Variants in MAS1 observed in about 807,000 individuals in gnomAD.
The protein encoded by MAS1 is proto-oncogene Mas.
For missense variants in MAS1, 387 were observed against 409.7 expected, an observed-to-expected ratio of 0.94 and a Z score of 0.48; for synonymous variants, 163 against 164.2, an observed-to-expected ratio of 0.99 and a Z score of 0.05.
chr6:159,900,036 A>G (rs972435263), intron 2 of MAS1, among the ~76,000 whole-genome samples: 1 of 151,968 alleles, frequency 6.6e-6, no homozygotes, highest in Admixed American at 6.6e-5. Flanking sequence ...ATAGAATGAG[A>G]CTCCATGTCA....
rs565166909 is a variant in MAS1 at position 159,894,820 on chromosome 6, T to C, written c.-244+3687T>C. 1.5e-4 allele frequency among the ~76,000 whole-genome samples: 23 copies of C among 152,324 alleles called. 1 individual carries two copies. In the South Asian group the frequency reaches 4.8e-3, roughly 32 times the overall value. ...GCATGGTGTCCTTCATCAATAGATGTGTTTATTGATAATAGTGATAGCTAG... is the reference window on the plus strand; with the variant it reads ...GCATGGTGTCCTTCATCAATAGATGCGTTTATTGATAATAGTGATAGCTAG... On this transcript the variant is annotated intron_variant, in intron 1 of 2. Transcript: ENST00000674077.
Position 159,896,326 on chromosome 6 carries a change from T to C in MAS1, c.-243-2860T>C, listed in dbSNP as rs1236900349. Reference sequence around the variant, plus strand: ...ATAAATATATAAATAAATAAACAAATAAATCATGAGACCTTCAGTTAGTGA... The same window carrying C: ...ATAAATATATAAATAAATAAACAAACAAATCATGAGACCTTCAGTTAGTGA... On this transcript the variant is annotated intron_variant, in intron 1 of 2. Coordinates refer to ENST00000674077, the MANE Select transcript of MAS1 (RefSeq NM_002377.4). Among the ~76,000 whole-genome samples the C allele has an allele frequency of 2.6e-5, 4 of 152,022 alleles. No individual in the cohort carries two copies. In the South Asian group the frequency reaches 8.3e-4, roughly 31 times the overall value.
chr6:159,911,485 C>A lies in MAS1; in HGVS notation c.*3552C>A. On this transcript the variant is annotated 3_prime_UTR_variant, in exon 3 of 3. Coordinates refer to ENST00000674077, the MANE Select transcript of MAS1 (RefSeq NM_002377.4). The stretch of plus-strand genomic sequence containing the variant: ...AAGTAGCTGGGATTACAGGAGTGAG[C>A]CACTGCGCCGGGCCTGCCCCTATTC... The A allele has an allele frequency of 6.5e-6, 1 of 153,098 alleles. No individual in the cohort carries two copies. Among genetic ancestry groups the A allele is most frequent in the Non-Finnish European group, 1.5e-5 (1 of 68,896 alleles). 9.5% of individuals were successfully genotyped at this position (153,098 alleles called of 1,614,324 possible).
intron 1 of MAS1, among the ~76,000 whole-genome samples, chr6:159,897,925 C>T (rs1246653354): frequency 1.3e-5 from 2 of 151,870 alleles, no homozygotes; most frequent in Non-Finnish European, 2.9e-5. Context: ...TGGAGTCTCA[C>T]TCTGTTGGCC....
chr6:159,894,726 T>C (rs971030777), intron 1 of MAS1, among the ~76,000 whole-genome samples: 3 of 152,196 alleles, frequency 2.0e-5, no homozygotes, highest in African/African-American at 7.2e-5. Flanking sequence ...TTTCTCTTAT[T>C]TGTTCTGATG....
In MAS1 at chr6:159,911,733, C is replaced by T. The variant is rs1042671545; in HGVS notation, c.*3800C>T. ...TCCACATCTTTCCCTTCCTCACTCT[C>T]AGCAAATGATGGCTGGCTCCCCTTT... On this transcript the variant is annotated 3_prime_UTR_variant, in exon 3 of 3. Coordinates refer to ENST00000674077, the MANE Select transcript of MAS1 (RefSeq NM_002377.4). The T allele has an allele frequency of 9.2e-5, 14 of 152,284 alleles. No homozygotes were observed. The highest frequency in any genetic ancestry group is 3.1e-4 in the African/African-American group (13 of 41,426). The allele number at this position is 152,284 out of a possible 1,614,324, so 9.4% of individuals were successfully genotyped here. A position where few individuals can be genotyped will look rare whatever the true frequency, so the allele number is the denominator to read the frequency against.
rs186358707 is a variant in MAS1 at position 159,909,923 on chromosome 6, C to A, written c.*1990C>A. On this transcript the variant is annotated 3_prime_UTR_variant, in exon 3 of 3. Coordinates refer to ENST00000674077, the MANE Select transcript of MAS1 (RefSeq NM_002377.4). Reference sequence around the variant, plus strand: ...CTAACCTTTTAAAATGATGCCTTACCAAGAGGTAGGAGGTAGGATTCAGAG... The same window carrying A: ...CTAACCTTTTAAAATGATGCCTTACAAAGAGGTAGGAGGTAGGATTCAGAG... 6.6e-6 allele frequency: 1 copy of A among 152,000 alleles called. No individual in the cohort carries two copies. Among genetic ancestry groups the A allele is most frequent in the African/African-American group, 2.4e-5 (1 of 41,432 alleles). The allele number at this position is 152,000 out of a possible 1,614,324, so 9.4% of individuals were successfully genotyped here. A position where few individuals can be genotyped will look rare whatever the true frequency, so the allele number is the denominator to read the frequency against.
chr6:159,907,014 G>T lies in MAS1; in HGVS notation c.59G>T (p.Gly20Val), dbSNP rs1419166011. ...GAGGAACCCACGAACATCTCAACTGGCAGGAACGCCTCAGTCGGGAATGCA... is the reference window on the plus strand; with the variant it reads ...GAGGAACCCACGAACATCTCAACTGTCAGGAACGCCTCAGTCGGGAATGCA... ...VVEEPTNISTGRNASVGNAHR... is the reference protein window; with the variant it reads ...VVEEPTNISTVRNASVGNAHR... The change falls in exon 3 of 3, where the codon GGC becomes GTC. Residue 20 changes from glycine to valine, a missense_variant. Gly to Val is a moderately radical substitution (Grantham distance 109, BLOSUM62 -3). Coordinates refer to ENST00000674077, the MANE Select transcript of MAS1 (RefSeq NM_002377.4). 1 of 1,613,318 alleles carries T rather than the reference G, an allele frequency of 6.2e-7. No homozygotes were observed. The highest frequency in any genetic ancestry group is 8.5e-7 in the Non-Finnish European group (1 of 1,179,316).
intron 2 of MAS1, among the ~76,000 whole-genome samples, chr6:159,903,576 C>T (rs866621853): frequency 2.0e-5 from 3 of 152,136 alleles, no homozygotes; most frequent in Admixed American, 6.6e-5. Context: ...AGCTGATGAC[C>T]TTGCTCCTTA....
upstream of MAS1, among the ~76,000 whole-genome samples, chr6:159,889,068 G>A (rs995332469): frequency 1.3e-5 from 2 of 152,200 alleles, no homozygotes; most frequent in African/African-American, 4.8e-5. Flanking sequence ...GGGGCAAAGA[G>A]AGCCACCTCT....
intron 2 of MAS1, among the ~76,000 whole-genome samples, chr6:159,905,648 T>C (rs570626415): frequency 6.6e-6 from 1 of 152,358 alleles, no homozygotes; most frequent in African/African-American, 2.4e-5. Context: ...AAATGTCTAA[T>C]ATCACCAGAA....
chr6:159,890,119 T>C (rs1267078886), upstream of MAS1, among the ~76,000 whole-genome samples: 1 of 152,192 alleles, frequency 6.6e-6, no homozygotes, highest in East Asian at 1.9e-4. Flanking sequence ...ATCTCAGACT[T>C]GGCTACCTGA....
At position 159,901,748 on chromosome 6, in the gene MAS1, G is replaced by A. The variant is rs1049495778; in HGVS notation, c.-37+2356G>A. ...ATGCACCTGTAGTCCCAGTGATTTG[G>A]GAGACTGAGGCAGGAGTGTCACCTG... On this transcript the variant is annotated intron_variant, in intron 2 of 2. Transcript: ENST00000674077. 2.0e-5 allele frequency among the ~76,000 whole-genome samples: 3 copies of A among 152,052 alleles called. No homozygotes were observed. In the East Asian group the frequency reaches 5.8e-4, roughly 29 times the overall value.
At position 159,910,069 on chromosome 6, in the gene MAS1, A is replaced by C. The variant is rs1488576238; in HGVS notation, c.*2136A>C. 6.6e-6 allele frequency: 1 copy of C among 152,248 alleles called. No homozygotes were observed. 9.4% of individuals were successfully genotyped at this position (152,248 alleles called of 1,614,324 possible). Reference sequence around the variant, plus strand: ...GTAAATTTGCAAATATGTAGAGAATACTAAATCATTTGTATCCTTTAGGCA... The same window carrying C: ...GTAAATTTGCAAATATGTAGAGAATCCTAAATCATTTGTATCCTTTAGGCA... On this transcript the variant is annotated 3_prime_UTR_variant, in exon 3 of 3. Transcript: ENST00000674077.
intron 2 of MAS1, among the ~76,000 whole-genome samples, chr6:159,903,123 G>T (rs530125370): frequency 6.0e-4 from 91 of 152,016 alleles, no homozygotes; most frequent in African/African-American, 2.1e-3. Context: ...CCTTTAGTAC[G>T]GGGACTTCAA....
In MAS1 at chr6:159,915,255, CG is replaced by C. The variant is rs1372985955; in HGVS notation, c.*7323del. 1.3e-5 allele frequency: 2 copies of C among 152,176 alleles called. No homozygotes were observed. The highest frequency in any genetic ancestry group is 4.8e-5 in the African/African-American group (2 of 41,442). 9.4% of individuals were successfully genotyped at this position (152,176 alleles called of 1,614,324 possible). ...AGTTTGGGGGTGCCTCCATTTTGCA[CG>C]TTGTTCATTACACAAGTAGAATATA... On this transcript the variant is annotated 3_prime_UTR_variant, in exon 3 of 3. Coordinates refer to ENST00000674077, the MANE Select transcript of MAS1 (RefSeq NM_002377.4).
chr6:159,900,402 G>A (rs1029386707), intron 2 of MAS1, among the ~76,000 whole-genome samples: 5 of 152,282 alleles, frequency 3.3e-5, no homozygotes, highest in Admixed American at 2.6e-4. Flanking sequence ...AAAGGGCTAG[G>A]GTGACGAGCA....
intron 2 of MAS1, among the ~76,000 whole-genome samples, chr6:159,905,233 T>C (rs921538709): frequency 6.6e-6 from 1 of 152,144 alleles, no homozygotes; most frequent in Non-Finnish European, 1.5e-5. Context: ...GCTAAATGTG[T>C]GGGGGGAGAA....
In MAS1 at chr6:159,914,513, G is replaced by C. The variant is rs2115126104; in HGVS notation, c.*6580G>C. ...CTCTGTCAACATTTCCCAGTTCAGG[G>C]AAGATGTAAGTGGGTATCAGAACTT... On this transcript the variant is annotated 3_prime_UTR_variant, in exon 3 of 3. Coordinates refer to ENST00000674077, the MANE Select transcript of MAS1 (RefSeq NM_002377.4). 1 of 152,304 alleles carries C rather than the reference G, an allele frequency of 6.6e-6. No homozygotes were observed. The highest frequency in any genetic ancestry group is 1.9e-4 in the East Asian group (1 of 5,188). 9.4% of individuals were successfully genotyped at this position (152,304 alleles called of 1,614,324 possible).
Sources: allele counts gnomAD v4.1 joint callset (sites outside exome capture counted in the v4.1 genomes callset), GRCh38; gene constraint gnomAD v4.1.1; transcripts MANE v1.5; gene names NCBI Gene and HGNC (gene_info 2026-07-23, HGNC 2026-07-21).